FLVCR2: variants seen among roughly 807,000 people sequenced by gnomAD.
The protein encoded by FLVCR2 is choline/ethanolamine transporter FLVCR2.
In FLVCR2, 38 loss-of-function variants were observed where a neutral mutation model predicts 48.9. The ratio of observed to expected loss-of-function variants is 0.78; its 90% CI spans 0.60 to 1.02. The LOEUF (loss-of-function observed/expected upper bound fraction) is 1.02, where lower values mean the gene tolerates loss of function less well. Ranked by LOEUF, FLVCR2 falls within the 50% of genes least tolerant of loss-of-function variation. The pLI is 0.00. For synonymous variants in FLVCR2, 255 were observed against 257.0 expected (o/e 0.99, Z 0.07); for missense variants, 664 against 663.3 (o/e 1.00, Z -0.01).
chr14:75,629,555 A>G (rs1404425525), intron 3 of FLVCR2, among the ~76,000 whole-genome samples: 1 of 151,298 alleles, frequency 6.6e-6, no homozygotes, highest in Non-Finnish European at 1.5e-5. Context: ...TCCTCTGGCT[A>G]CCTTCTCTTT....
chr14:75,645,042 G>C (rs887439556), intron 9 of FLVCR2, among the ~76,000 whole-genome samples: 5 of 38,146 alleles, frequency 1.3e-4, no homozygotes, highest in African/African-American at 2.8e-4. Flanking sequence ...TGGTGTGTGT[G>C]TGTGTGTGTG....
At chr14:75,599,508 A>G (rs1889112675) in intron 1 of FLVCR2, among the ~76,000 whole-genome samples, 1 of 152,256 alleles carries the variant, frequency 6.6e-6, no homozygotes, top group African/African-American at 2.4e-5. Flanking sequence ...GGAAGACTTC[A>G]TGTTAAGATG....
At chr14:75,616,204 G>A (rs1011986349) in intron 1 of FLVCR2, among the ~76,000 whole-genome samples, 1 of 151,546 alleles carries the variant, frequency 6.6e-6, no homozygotes, top group African/African-American at 2.4e-5. Flanking sequence ...TCATGATCCT[G>A]TAGTTCCAGC....
chr14:75,586,252 G>A (rs1366101505), intron 1 of FLVCR2, among the ~76,000 whole-genome samples: 2 of 151,644 alleles, frequency 1.3e-5, no homozygotes, highest in South Asian at 2.1e-4. Context: ...TTTGCAGACA[G>A]TGGGTGGATC....
At chr14:75,633,577 G>A (rs1890096358) in intron 3 of FLVCR2, 52 bp from the exon 4 acceptor site, 9 of 1,420,738 alleles carry the variant, frequency 6.3e-6, no homozygotes, top group Non-Finnish European at 9.0e-6. Flanking sequence ...AGTTAGCAAT[G>A]GCCCCAGAAG....
At chr14:75,619,477 T>TCATCCATC (rs34627368) in intron 1 of FLVCR2, among the ~76,000 whole-genome samples, 65 of 150,910 alleles carry the variant, frequency 4.3e-4, no homozygotes, top group Middle Eastern at 3.4e-3. Flanking sequence ...GTTCATCTGC[T>TCATCCATC]CATCCATCCA....
chr14:75,585,149 A>C (rs973426176), intron 1 of FLVCR2, among the ~76,000 whole-genome samples: 2 of 152,090 alleles, frequency 1.3e-5, no homozygotes, highest in East Asian at 3.9e-4. Flanking sequence ...AATTCAAAAG[A>C]CTCAGAGCTT....
intron 1 of FLVCR2, among the ~76,000 whole-genome samples, chr14:75,599,220 T>C (rs72723662): frequency 0.063 from 9,573 of 152,192 alleles, 467 homozygotes; most frequent in Non-Finnish European, 0.093. Flanking sequence ...TCCTCCCCCA[T>C]GCTGTGCCTC....
chr14:75,636,152 C>T (rs1308538530), intron 5 of FLVCR2, among the ~76,000 whole-genome samples: 3 of 152,018 alleles, frequency 2.0e-5, no homozygotes, highest in Non-Finnish European at 2.9e-5. Context: ...GCAGTGTCCC[C>T]GGCTGCTCTG....
intron 4 of FLVCR2, 109 bp downstream of exon 4, chr14:75,633,805 A>G (rs949863314): frequency 1.2e-6 from 1 of 863,676 alleles, no homozygotes. Context: ...AGTTCTAGGT[A>G]GGGTGATATG....
rs1248363001 is a variant in FLVCR2, at chr14:75,624,646, G to C, written c.846G>C (p.Arg282Ser). 2 of 1,613,788 alleles carry C rather than the reference G, an allele frequency of 1.2e-6. No individual in the cohort carries two copies. The highest frequency in any genetic ancestry group is 1.7e-6 in the Non-Finnish European group (2 of 1,180,000). ...AGAAACCTAAATATCCCCCCAGCAG[G>C]GCCCAATCCCTGAGCTATGCCTTGA... ...FKEKPKYPPS[R>S]AQSLSYALTS... Residue 282 changes from arginine (R) to serine (S), a missense_variant, in exon 3 of 10, where the codon AGG (arginine) becomes AGC (serine). Transcript: ENST00000238667.
intron 1 of FLVCR2, among the ~76,000 whole-genome samples, chr14:75,588,346 C>G (rs550679776): frequency 6.6e-6 from 1 of 152,312 alleles, no homozygotes; most frequent in South Asian, 2.1e-4. Flanking sequence ...ACTTTTATGA[C>G]AAACCCACCC....
At position 75,647,660 on chromosome 14, in the gene FLVCR2, T is replaced by C. The variant is rs1890450185; in HGVS notation, c.*1188T>C. On this transcript the variant is annotated 3_prime_UTR_variant, in exon 10 of 10. Transcript: ENST00000238667. ...TAAACCAACTCAAGCTGATCTTTCCTATCTAGCCTGCTGTTTGGCTGTACT... is the reference window on the plus strand; with the variant it reads ...TAAACCAACTCAAGCTGATCTTTCCCATCTAGCCTGCTGTTTGGCTGTACT... 6.5e-6 allele frequency: 1 copy of C among 152,692 alleles called. No homozygotes were observed. Among genetic ancestry groups the C allele is most frequent in the South Asian group, 2.1e-4 (1 of 4,834 alleles). 9.5% of individuals were successfully genotyped at this position (152,692 alleles called of 1,614,324 possible).
At chr14:75,580,633 A>G (rs944653831) in intron 1 of FLVCR2, among the ~76,000 whole-genome samples, 13 of 152,252 alleles carry the variant, frequency 8.5e-5, no homozygotes, top group Non-Finnish European at 1.2e-4. Context: ...ATCAGTTCTT[A>G]TAGGTTTTGG....
chr14:75,597,794 TC>T (rs1373858279), intron 1 of FLVCR2, among the ~76,000 whole-genome samples: 1 of 152,142 alleles, frequency 6.6e-6, no homozygotes, highest in African/African-American at 2.4e-5. Context: ...GGTCTTGAAC[TC>T]GCGACCTCAG....
intron 3 of FLVCR2, among the ~76,000 whole-genome samples, chr14:75,633,336 C>T (rs1010744527): frequency 7.2e-5 from 11 of 152,130 alleles, no homozygotes; most frequent in Non-Finnish European, 1.6e-4. Flanking sequence ...TGACTCTGCC[C>T]TGGGAGTAAT....
At chr14:75,586,809 A>G (rs1475151913) in intron 1 of FLVCR2, among the ~76,000 whole-genome samples, 1 of 152,054 alleles carries the variant, frequency 6.6e-6, no homozygotes, top group Non-Finnish European at 1.5e-5. Context: ...ACAAGCATTT[A>G]TCTAGTTTTT....
intron 1 of FLVCR2, among the ~76,000 whole-genome samples, chr14:75,599,779 A>G (rs1021961091): frequency 1.3e-5 from 2 of 152,252 alleles, no homozygotes; most frequent in African/African-American, 4.8e-5. Flanking sequence ...AATGAAATAG[A>G]GAAGAGAGTC....
chr14:75,584,514 C>T lies in FLVCR2; in HGVS notation c.669+4873C>T, dbSNP rs555175197. Among the ~76,000 whole-genome samples the T allele has an allele frequency of 1.1e-4, 16 of 152,288 alleles. No homozygotes were observed. The South Asian group carries it at 1.2e-3, about 12-fold the overall frequency. On this transcript the variant is annotated intron_variant, in intron 1 of 9. Coordinates refer to ENST00000238667, the MANE Select transcript of FLVCR2 (RefSeq NM_017791.3). Reference sequence around the variant, plus strand: ...CTGGGCTGGGTTTTCGTCTTTACCTCGGGTAGTTTCTCTAAGTTTGTCATA... The same window carrying T: ...CTGGGCTGGGTTTTCGTCTTTACCTTGGGTAGTTTCTCTAAGTTTGTCATA...
Sources: gnomAD v4.1 joint callset for allele counts (sites outside exome capture counted in the v4.1 genomes callset) on GRCh38, gnomAD v4.1.1 for gene constraint, MANE v1.5 for transcripts, NCBI Gene and HGNC (gene_info 2026-07-23, HGNC 2026-07-21) for gene names.